The following MCM8 variants were observed in gnomAD, a reference collection of about 807,000 sequenced individuals.
MCM8 encodes the protein DNA helicase MCM8.
A neutral mutation model predicts 98.9 loss-of-function variants in MCM8; 85 were observed. That is an observed-to-expected ratio of 0.86 (90% CI 0.72 to 1.03). The LOEUF (loss-of-function observed/expected upper bound fraction) is 1.03. Among genes scored for constraint, MCM8 ranks in the 50% least tolerant of loss-of-function variants. The pLI, the probability that MCM8 is intolerant of heterozygous loss-of-function variation, is 0.00. For missense variants in MCM8, 951 were observed against 997.8 expected (o/e 0.95, Z 0.63); for synonymous variants, 352 against 338.6 (o/e 1.04, Z -0.44).
In MCM8 at chr20:5,984,301, G is replaced by A. The variant is rs188111111; in HGVS notation, c.1734-480G>A. 3.9e-5 allele frequency among the ~76,000 whole-genome samples: 6 copies of A among 152,210 alleles called. No homozygotes were observed. The East Asian group carries it at 1.2e-3, about 29-fold the overall frequency. On this transcript the variant is annotated intron_variant, in intron 14 of 18. Transcript: ENST00000610722. ...TAGTGAAATACACAATGTGTACTTG[G>A]AGATTTAGGGTATTTACCACCACCA...
intron 17 of MCM8, among the ~76,000 whole-genome samples, chr20:5,992,334 C>G (rs568692452): frequency 1.5e-4 from 23 of 152,116 alleles, no homozygotes; most frequent in Admixed American, 1.4e-3. Flanking sequence ...ACCTCTATTA[C>G]TCTTGCACCA....
intron 17 of MCM8, among the ~76,000 whole-genome samples, chr20:5,992,166 A>G (rs529147464): frequency 2.6e-5 from 4 of 152,294 alleles, no homozygotes; most frequent in African/African-American, 9.6e-5. Context: ...TAGCTCAAAT[A>G]TTTTACATAG....
chr20:5,968,061 A>T (rs781233076), intron 10 of MCM8, 36 bp downstream of exon 10: 1 of 1,561,114 alleles, frequency 6.4e-7, no homozygotes, highest in Admixed American at 1.9e-5. Flanking sequence ...TATTACATAG[A>T]TGCATGTTGG....
intron 3 of MCM8, among the ~76,000 whole-genome samples, chr20:5,953,440 T>TGTGTGTGTGTGTGTGTGTGTGTGGG (rs2088885495): frequency 6.5e-5 from 1 of 15,492 alleles, no homozygotes; most frequent in Non-Finnish European, 2.1e-4. Flanking sequence ...TCATGAGGGG[T>TGTGTGTGTGTGTGTGTGTGTGTGGG]GTGTGTGTGT....
At position 5,957,302 on chromosome 20, in the gene MCM8, T is replaced by A. The variant is rs553913098; in HGVS notation, c.590+73T>A. ...GGCCATTTAAGAATGAAAACGCTCA[T>A]TTTATAAAAATGAGGAAATCAGTAA... On this transcript the variant is annotated intron_variant, in intron 6 of 18. Coordinates refer to ENST00000610722, the MANE Select transcript of MCM8 (RefSeq NM_032485.6). 91 of 1,120,654 alleles carry A rather than the reference T, an allele frequency of 8.1e-5. 1 individual carries two copies. The African/African-American group carries it at 1.2e-3, about 15-fold the overall frequency. 69.4% of individuals were successfully genotyped at this position (1,120,654 alleles called of 1,614,324 possible).
chr20:5,963,455 A>G (rs758132572), intron 8 of MCM8, 96 bp downstream of exon 8: 41 of 879,396 alleles, frequency 4.7e-5, no homozygotes, highest in Non-Finnish European at 7.1e-5. Context: ...CGTTTTATCT[A>G]AATGACAAAG....
At chr20:5,989,935 T>G (rs1257964856) in intron 17 of MCM8, among the ~76,000 whole-genome samples, 2 of 152,242 alleles carry the variant, frequency 1.3e-5, no homozygotes, top group Non-Finnish European at 2.9e-5. Context: ...CTCTTAATTT[T>G]TTATTGGTGG....
At chr20:5,987,157 ATGT>A (rs1309716540) in intron 16 of MCM8, 122 bp from the exon 17 acceptor site, 4 of 850,984 alleles carry the variant, frequency 4.7e-6, no homozygotes, top group Admixed American at 2.7e-5. Flanking sequence ...TTGACTTTTG[ATGT>A]TATAACCTTC....
chr20:5,997,680 T>A lies in MCM8; in HGVS notation c.*3289T>A, dbSNP rs2089976410. 6.6e-6 allele frequency: 1 copy of A among 152,280 alleles called. No individual in the cohort carries two copies. The highest frequency in any genetic ancestry group is 1.5e-5 in the Non-Finnish European group (1 of 68,154). The allele number at this position is 152,280 out of a possible 1,614,324, so 9.4% of individuals were successfully genotyped here. A position where few individuals can be genotyped will look rare whatever the true frequency, so the allele number is the denominator to read the frequency against. On this transcript the variant is annotated 3_prime_UTR_variant, in exon 19 of 19. Coordinates refer to ENST00000610722, the MANE Select transcript of MCM8 (RefSeq NM_032485.6). ...CCCAGGCTGGAGTGCAGTGACATGA[T>A]CAAGCCGTGATCTCCTGGGCTCAAG... is the stretch of plus-strand genomic sequence containing the variant.
chr20:5,984,880 A>C lies in MCM8; in HGVS notation c.1833A>C (p.Ala611=), dbSNP rs1478579823. The change falls in exon 15 of 19, where the codon GCA becomes GCC. Residue 611 remains alanine, a synonymous_variant. Transcript: ENST00000610722. ...HDHLLSEHVI[A]IRAGKQRTIS... Reference sequence around the variant, plus strand: ...ACTTACTCTCTGAACATGTGATTGCAATAAGAGCTGGAAAGCAGAGAACCA... The same window carrying C: ...ACTTACTCTCTGAACATGTGATTGCCATAAGAGCTGGAAAGCAGAGAACCA... 1 of 1,614,034 alleles carries C rather than the reference A, an allele frequency of 6.2e-7. No individual in the cohort carries two copies. Among genetic ancestry groups the C allele is most frequent in the Non-Finnish European group, 8.5e-7 (1 of 1,180,024 alleles).
At chr20:5,951,419 A>G (rs2088818675) in intron 1 of MCM8, among the ~76,000 whole-genome samples, 1 of 151,928 alleles carries the variant, frequency 6.6e-6, no homozygotes, top group South Asian at 2.1e-4. Context: ...AGTATTTGAT[A>G]ATGAATTGCA....
chr20:5,991,704 C>A (rs6038328), intron 17 of MCM8, among the ~76,000 whole-genome samples: 1 of 152,092 alleles, frequency 6.6e-6, no homozygotes, highest in Non-Finnish European at 1.5e-5. Flanking sequence ...GCATTCTTTC[C>A]TTAGTTTATG....
At position 5,952,539 on chromosome 20, in the gene MCM8, A is replaced by G. The variant is rs188207535; in HGVS notation, c.253+11A>G. ...TTTATTTCTCTGAAGGTAGGGTTTA[A>G]AAAGTACAAAAAAGCACCATAAATC... is the stretch of plus-strand genomic sequence containing the variant. On this transcript the variant is annotated intron_variant, in intron 3 of 18. Transcript: ENST00000610722. The G allele has an allele frequency of 3.4e-5, 54 of 1,592,172 alleles. No individual in the cohort carries two copies. The East Asian group carries it at 9.4e-4, about 28-fold the overall frequency.
At chr20:5,991,180 G>T (rs1398703714) in intron 17 of MCM8, 1 of 152,218 alleles carries the variant, frequency 6.6e-6, no homozygotes, top group African/African-American at 2.4e-5. Context: ...ACTGGTCTGT[G>T]GACACGGTAG....
intron 1 of MCM8, 139 bp from the exon 2 acceptor site, chr20:5,951,872 A>T: frequency 2.2e-6 from 2 of 908,596 alleles, no homozygotes; most frequent in Middle Eastern, 3.4e-4. Flanking sequence ...GTCTTGTATC[A>T]TAGCTGTACA....
At chr20:5,988,165 G>A (rs764769765) in intron 17 of MCM8, among the ~76,000 whole-genome samples, 4 of 151,740 alleles carry the variant, frequency 2.6e-5, no homozygotes, top group Non-Finnish European at 5.9e-5. Flanking sequence ...AAATTCCAAA[G>A]TTCAAAAAGT....
At chr20:5,955,350 T>A in intron 5 of MCM8, 99 bp downstream of exon 5, 1 of 1,155,630 alleles carries the variant, frequency 8.7e-7, no homozygotes, top group Non-Finnish European at 1.2e-6. Context: ...TTACAGTGAC[T>A]GTACTTTCTA....
intron 13 of MCM8, among the ~76,000 whole-genome samples, chr20:5,980,873 CAAAAAAA>C (rs36027696): frequency 2.2e-4 from 19 of 87,928 alleles, no homozygotes; most frequent in Non-Finnish European, 5.2e-4. Flanking sequence ...CTCTGTCTCT[CAAAAAAA>C]AAAAAAAAAA....
chr20:5,960,954 TAAG>T (rs1399429664), intron 7 of MCM8, among the ~76,000 whole-genome samples: 3 of 151,926 alleles, frequency 2.0e-5, no homozygotes, highest in African/African-American at 4.8e-5. Flanking sequence ...CATAAATAAA[TAAG>T]AAGCCCTTTT....
Sources: gnomAD v4.1 joint callset for allele counts (sites outside exome capture counted in the v4.1 genomes callset) on GRCh38, gnomAD v4.1.1 for gene constraint, MANE v1.5 for transcripts, NCBI Gene and HGNC (gene_info 2026-07-23, HGNC 2026-07-21) for gene names.